PRR14L: variants seen among roughly 807,000 people sequenced by gnomAD.
PRR14L encodes proline rich 14 like.
In PRR14L, 80 loss-of-function variants were observed where a neutral mutation model predicts 155.0. That is an observed-to-expected ratio of 0.52 (90% confidence interval 0.43 to 0.62). The LOEUF (loss-of-function observed/expected upper bound fraction) is 0.62. Ranked by LOEUF, PRR14L falls within the 20% of genes least tolerant of loss-of-function variation. The probability of loss-of-function intolerance (pLI) is 0.00; values close to 1 mark genes in which losing one functional copy is unlikely to be tolerated. For missense variants in PRR14L, 2,469 were observed against 2,548.0 expected, an observed-to-expected ratio of 0.97 and a Z score of 0.67; for synonymous variants, 883 against 916.0, an observed-to-expected ratio of 0.96 and a Z score of 0.65.
intron 2 of PRR14L, among the ~76,000 whole-genome samples, chr22:31,733,308 T>G (rs1468392528): frequency 1.4e-5 from 2 of 141,100 alleles, no homozygotes; most frequent in African/African-American, 5.4e-5. Context: ...GTTTTTTTTT[T>G]TTTTTTTTTT....
chr22:31,698,526 CT>C (rs2074546536), intron 7 of PRR14L, among the ~76,000 whole-genome samples: 2 of 147,320 alleles, frequency 1.4e-5, no homozygotes, highest in Non-Finnish European at 3.0e-5. Context: ...TAGAGCAAAA[CT>C]ACATCTCAAA....
chr22:31,748,015 G>A (rs986550792), intron 1 of PRR14L, among the ~76,000 whole-genome samples: 4 of 147,698 alleles, frequency 2.7e-5, no homozygotes, highest in African/African-American at 1.1e-4. Context: ...ATAAAACCGT[G>A]TGCCTCAATA....
rs66721130 is a variant in PRR14L at position 31,742,367 on chromosome 22, C to CTT, written c.-51-3458_-51-3457dup. On this transcript the variant is annotated intron_variant, in intron 1 of 8. Coordinates refer to ENST00000327423, the MANE Select transcript of PRR14L (RefSeq NM_173566.3). ...TAATGAGGATGACTCAAAACTCTTC[C>CTT]TTTTTTTTTTTTTTGAGATGGAGTC... Among the ~76,000 whole-genome samples the CTT allele has an allele frequency of 4.9e-5, 7 of 143,136 alleles. No individual in the cohort carries two copies. In the East Asian group the frequency reaches 6.0e-4, roughly 12 times the overall value. 93.9% of individuals were successfully genotyped at this position (143,136 alleles called of 152,430 possible). A position where few individuals can be genotyped will look rare whatever the true frequency, so the allele number is the denominator to read the frequency against.
Position 31,715,711 on chromosome 22 carries a change from G to C in PRR14L, c.2128C>G (p.Gln710Glu), listed in dbSNP as rs2074654528. 1.3e-6 allele frequency: 2 copies of C among 1,552,244 alleles called. No individual in the cohort carries two copies. Among genetic ancestry groups the C allele is most frequent in the East Asian group, 4.9e-5 (2 of 40,932 alleles). The change falls in exon 4 of 9, where the codon CAG (glutamine) becomes GAG (glutamate). Residue 710 changes from glutamine to glutamate, a missense_variant. By Grantham distance (29) the Gln-to-Glu change is conservative. Around this residue, in one of 2 missense-constraint regions of PRR14L, gnomAD observed 2,363 missense variants for 2,371.6 expected, o/e 1.00. Coordinates refer to ENST00000327423, the MANE Select transcript of PRR14L (RefSeq NM_173566.3). ...GGAGAGATGTCTTTTATTTTTGTCTGAATGGGAATGGTTTGTATATCAGCA... is the reference window on the plus strand; with the variant it reads ...GGAGAGATGTCTTTTATTTTTGTCTCAATGGGAATGGTTTGTATATCAGCA... ...VIADIQTIPI[Q>E]TKIKDISPPG... is the part of the protein sequence containing the mutation.
intron 3 of PRR14L, among the ~76,000 whole-genome samples, chr22:31,722,355 G>A (rs986868972): frequency 3.3e-5 from 5 of 151,222 alleles, no homozygotes; most frequent in South Asian, 4.2e-4. Flanking sequence ...GCTTGAACCC[G>A]GCAGGCGGAG....
In PRR14L at chr22:31,704,696, T is replaced by C; in HGVS notation, c.5787A>G (p.Pro1929=). The change falls in exon 5 of 9, where the codon CCA becomes CCG. Residue 1929 remains proline (P), a synonymous_variant. Coordinates refer to ENST00000327423, the MANE Select transcript of PRR14L (RefSeq NM_173566.3). Reference sequence around the variant, plus strand: ...TGGTGTTATATGTAGCTTCCATGCCTGGAAGAGGCACATATGGTAACATGG... The same window carrying C: ...TGGTGTTATATGTAGCTTCCATGCCCGGAAGAGGCACATATGGTAACATGG... ...SHTMLPYVPL[P]GMEATYNTSG... is the part of the protein sequence containing the mutation. The C allele has an allele frequency of 6.2e-7, 1 of 1,613,998 alleles. No homozygotes were observed.
intron 3 of PRR14L, among the ~76,000 whole-genome samples, chr22:31,718,472 T>C (rs761506708): frequency 7.3e-5 from 11 of 150,974 alleles, no homozygotes; most frequent in Non-Finnish European, 1.3e-4. Context: ...GTTAGGATGG[T>C]CTTGATCTCC....
chr22:31,704,543 G>T, intron 5 of PRR14L, 112 bp downstream of exon 5: 1 of 710,378 alleles, frequency 1.4e-6, no homozygotes, highest in Non-Finnish European at 2.4e-6. Flanking sequence ...GGTTTACAAG[G>T]ACAAGAGGTC....
intron 2 of PRR14L, among the ~76,000 whole-genome samples, chr22:31,735,275 T>TA (rs1267706998): frequency 6.6e-6 from 1 of 151,972 alleles, no homozygotes; most frequent in African/African-American, 2.4e-5. Context: ...CCGTCTCTAC[T>TA]AAAAAAATAC....
chr22:31,744,133 A>ATTTT (rs1043296702), intron 1 of PRR14L, among the ~76,000 whole-genome samples: 1 of 137,188 alleles, frequency 7.3e-6, no homozygotes, highest in South Asian at 2.3e-4. Flanking sequence ...TGCCTGGTTA[A>ATTTT]TTTTTTTTTT....
intron 5 of PRR14L, 113 bp downstream of exon 5, chr22:31,704,542 G>T: frequency 1.4e-6 from 1 of 697,816 alleles, no homozygotes; most frequent in Non-Finnish European, 2.4e-6. Context: ...AGGTTTACAA[G>T]GACAAGAGGT....
chr22:31,745,269 C>T (rs978217797), intron 1 of PRR14L, among the ~76,000 whole-genome samples: 9 of 152,014 alleles, frequency 5.9e-5, no homozygotes, highest in Admixed American at 1.3e-4. Flanking sequence ...CCCAGCTACT[C>T]GGGAGGCTGA....
In PRR14L at chr22:31,713,863, T is replaced by C. The variant is rs372135965; in HGVS notation, c.3976A>G (p.Thr1326Ala). ...TTCACTTTAATATCTGTTTTCACTG[T>C]CAAAGGCAAATGTCTGTCAGAGGAA... ...ENSSDRHLPL[T>A]VKTDIKVKGE... The change falls in exon 4 of 9, where the codon ACA (threonine) becomes GCA (alanine). Residue 1326 changes from threonine (T) to alanine (A), a missense_variant. Physicochemically the swap from Thr to Ala is moderately conservative, Grantham distance 58 (BLOSUM62 0). Around this residue, in one of 2 missense-constraint regions of PRR14L, gnomAD observed 2,363 missense variants for 2,371.6 expected, o/e 1.00. Transcript: ENST00000327423. The C allele has an allele frequency of 3.0e-5, 47 of 1,552,154 alleles. No homozygotes were observed. The highest frequency in any genetic ancestry group is 4.1e-5 in the Non-Finnish European group (47 of 1,147,132).
intron 2 of PRR14L, among the ~76,000 whole-genome samples, chr22:31,732,117 G>T (rs532921419): frequency 6.6e-6 from 1 of 152,186 alleles, no homozygotes; most frequent in East Asian, 1.9e-4. Flanking sequence ...TCCTTCCCAT[G>T]TGTACTTGTG....
chr22:31,714,817 C>G lies in PRR14L; in HGVS notation c.3022G>C (p.Val1008Leu). 5 of 1,552,160 alleles carry G rather than the reference C, an allele frequency of 3.2e-6. No individual in the cohort carries two copies. The highest frequency in any genetic ancestry group is 4.4e-6 in the Non-Finnish European group (5 of 1,147,090). Reference protein sequence around the residue: ...RETVTEPHGEVNHNQKDLLVS... With the variant: ...RETVTEPHGELNHNQKDLLVS... ...AGCAGATCCTTTTGGTTGTGGTTTA[C>G]CTCCCCGTGAGGCTCGGTGACAGTC... The change falls in exon 4 of 9, where the codon GTA becomes CTA. Residue 1008 changes from valine (V) to leucine (L), a missense_variant. Coordinates refer to ENST00000327423, the MANE Select transcript of PRR14L (RefSeq NM_173566.3).
rs767786338 is a variant in PRR14L, at chr22:31,691,056, C to T, written c.6108-2829G>A. On this transcript the variant is annotated intron_variant, in intron 7 of 8. Transcript: ENST00000327423. The stretch of plus-strand genomic sequence containing the variant: ...TAGGCTCACTGCAACATCCGCATTC[C>T]GGGTTCAAGCGATTCTCCTCCCTCA... 1.2e-4 allele frequency among the ~76,000 whole-genome samples: 18 copies of T among 150,890 alleles called. 1 individual carries two copies. Among genetic ancestry groups the T allele is most frequent in the South Asian group, 2.1e-4 (1 of 4,756 alleles).
chr22:31,715,399 G>A lies in PRR14L; in HGVS notation c.2440C>T (p.Leu814=), dbSNP rs1210267032. The A allele has an allele frequency of 3.2e-6, 5 of 1,552,226 alleles. No individual in the cohort carries two copies. Among genetic ancestry groups the A allele is most frequent in the Non-Finnish European group, 3.5e-6 (4 of 1,147,106 alleles). Reference sequence around the variant, plus strand: ...GTTATCAAAGAGTTATCAACTTGCAGGCTGATTTTGCTGGACTTGAAAGCA... The same window carrying A: ...GTTATCAAAGAGTTATCAACTTGCAAGCTGATTTTGCTGGACTTGAAAGCA... ...SAAFKSSKIS[L]QVDNSLITKY... Residue 814 remains leucine (L), a synonymous_variant, in exon 4 of 9, where the codon CTG becomes TTG. Transcript: ENST00000327423.
At chr22:31,693,861 T>G (rs1165377808) in intron 7 of PRR14L, among the ~76,000 whole-genome samples, 1 of 152,248 alleles carries the variant, frequency 6.6e-6, no homozygotes, top group Admixed American at 6.5e-5. Context: ...TTTATTTTGA[T>G]TATTCAATTT....
At position 31,712,350 on chromosome 22, in the gene PRR14L, C is replaced by G; in HGVS notation, c.5489G>C (p.Gly1830Ala). The G allele has an allele frequency of 6.2e-7, 1 of 1,613,804 alleles. No individual in the cohort carries two copies. The highest frequency in any genetic ancestry group is 2.2e-5 in the East Asian group (1 of 44,862). The change falls in exon 4 of 9, where the codon GGA becomes GCA. Residue 1830 changes from glycine to alanine, a missense_variant. Gly to Ala is a moderately conservative substitution (Grantham distance 60). Around this residue, in one of 2 missense-constraint regions of PRR14L, gnomAD observed 2,363 missense variants for 2,371.6 expected, o/e 1.00. Coordinates refer to ENST00000327423, the MANE Select transcript of PRR14L (RefSeq NM_173566.3). ...LHTLLALCSP[G>A]CYRIWTKKRS... Reference sequence around the variant, plus strand: ...TTTTTTTGTCCAGATTCGGTAACATCCTGGGGAACAAAGTGCTAGAAGTGT... The same window carrying G: ...TTTTTTTGTCCAGATTCGGTAACATGCTGGGGAACAAAGTGCTAGAAGTGT...
Sources: allele counts gnomAD v4.1 joint callset (sites outside exome capture counted in the v4.1 genomes callset), GRCh38; gene constraint gnomAD v4.1.1; regional missense constraint gnomAD v4.1.1; transcripts MANE v1.5; gene names NCBI Gene and HGNC (gene_info 2026-07-23, HGNC 2026-07-21).